Variants in CPQ observed in about 807,000 individuals in gnomAD.
CPQ encodes the protein Ser-Met dipeptidase.
In CPQ, 37 loss-of-function variants were observed where a neutral mutation model predicts 45.7. The ratio of observed to expected loss-of-function variants is 0.81; its 90% CI spans 0.62 to 1.07. The LOEUF is 1.07. Among genes scored for constraint, CPQ ranks in the 50% least tolerant of loss-of-function variants. The pLI is 0.00. For missense variants in CPQ, 537 were observed against 572.9 expected, an observed-to-expected ratio of 0.94 and a Z score of 0.64; for synonymous variants, 186 against 205.8, an observed-to-expected ratio of 0.90 and a Z score of 0.82.
intron 4 of CPQ, among the ~76,000 whole-genome samples, chr8:96,889,462 C>T (rs1469642660): frequency 6.6e-6 from 1 of 152,142 alleles, no homozygotes; most frequent in Non-Finnish European, 1.5e-5. Flanking sequence ...TGAGCTCCTA[C>T]TTTGCTGGGT....
At chr8:96,653,807 C>T (rs1244366615) in intron 1 of CPQ, among the ~76,000 whole-genome samples, 1 of 152,050 alleles carries the variant, frequency 6.6e-6, no homozygotes. Context: ...AGGGATTGGT[C>T]TTGCTGTCTT....
intron 2 of CPQ, among the ~76,000 whole-genome samples, chr8:96,818,801 T>C (rs1811262652): frequency 6.6e-6 from 1 of 152,166 alleles, no homozygotes; most frequent in Non-Finnish European, 1.5e-5. Context: ...GCTCCAAGTT[T>C]TTGGCAGAGA....
At chr8:96,773,827 T>C (rs1810575569) in intron 1 of CPQ, among the ~76,000 whole-genome samples, 1 of 152,158 alleles carries the variant, frequency 6.6e-6, no homozygotes, top group Admixed American at 6.5e-5. Flanking sequence ...TCCTACATCC[T>C]CACACATGGA....
chr8:97,035,405 A>C (rs975911101), intron 6 of CPQ, among the ~76,000 whole-genome samples: 1 of 152,210 alleles, frequency 6.6e-6, no homozygotes, highest in Admixed American at 6.5e-5. Flanking sequence ...TTGCTGGGTC[A>C]TATGATAGGT....
At chr8:96,743,008 T>G (rs530467025) in intron 1 of CPQ, among the ~76,000 whole-genome samples, 1 of 152,302 alleles carries the variant, frequency 6.6e-6, no homozygotes, top group African/African-American at 2.4e-5. Context: ...ATTTCCTGAT[T>G]CTGAATGTTG....
intron 7 of CPQ, among the ~76,000 whole-genome samples, chr8:97,088,415 T>C (rs1000924907): frequency 6.6e-6 from 1 of 152,236 alleles, no homozygotes; most frequent in African/African-American, 2.4e-5. Context: ...TTCTATATAC[T>C]ATATTCAAGT....
At chr8:97,034,628 C>T (rs570447745) in intron 6 of CPQ, among the ~76,000 whole-genome samples, 1 of 152,204 alleles carries the variant, frequency 6.6e-6, no homozygotes, top group South Asian at 2.1e-4. Context: ...AATGTATACC[C>T]CTATGTAATC....
At chr8:96,991,935 A>G (rs528678644) in intron 5 of CPQ, among the ~76,000 whole-genome samples, 202 of 152,214 alleles carry the variant, frequency 1.3e-3, no homozygotes, top group Middle Eastern at 6.8e-3. Context: ...GAGACCAACC[A>G]CTCACCATGG....
rs1810580897 is a variant in CPQ, at chr8:97,063,199, G to C, written c.1054-2810G>C. Among the ~76,000 whole-genome samples the C allele has an allele frequency of 2.6e-5, 4 of 152,146 alleles. No individual in the cohort carries two copies. In the South Asian group the frequency reaches 8.3e-4, roughly 32 times the overall value. On this transcript the variant is annotated intron_variant, in intron 6 of 7. Transcript: ENST00000220763. ...GACTGGTGTGAGATGGTATCTCATT[G>C]TGGTTTTGATTTGCATTTCTCTAAT...
intron 7 of CPQ, among the ~76,000 whole-genome samples, chr8:97,100,478 A>T (rs1811284935): frequency 6.6e-6 from 1 of 152,108 alleles, no homozygotes; most frequent in Non-Finnish European, 1.5e-5. Flanking sequence ...TGGTCAGAGG[A>T]ATCATGCAAT....
chr8:96,925,091 TCTC>T (rs1261629915), intron 4 of CPQ, among the ~76,000 whole-genome samples: 1 of 152,204 alleles, frequency 6.6e-6, no homozygotes, highest in Non-Finnish European at 1.5e-5. Flanking sequence ...AACTGTAAAT[TCTC>T]CTTCTTTTGA....
intron 1 of CPQ, among the ~76,000 whole-genome samples, chr8:96,732,780 G>GCTCA (rs1332393721): frequency 2.0e-5 from 3 of 152,256 alleles, no homozygotes; most frequent in South Asian, 4.1e-4. Context: ...ACATACCTAT[G>GCTCA]CTCACATCCA....
intron 4 of CPQ, among the ~76,000 whole-genome samples, chr8:96,916,709 T>C (rs147566824): frequency 1.3e-4 from 20 of 152,242 alleles, no homozygotes; most frequent in African/African-American, 4.3e-4. Context: ...CAGGATCTTA[T>C]ACAGGGTACC....
chr8:97,135,812 C>T (rs1812047246), intron 7 of CPQ, among the ~76,000 whole-genome samples: 1 of 152,210 alleles, frequency 6.6e-6, no homozygotes, highest in African/African-American at 2.4e-5. Flanking sequence ...AGTATATGCA[C>T]TAAAATAACA....
At chr8:96,847,471 T>C (rs1393763136) in intron 3 of CPQ, among the ~76,000 whole-genome samples, 1 of 152,218 alleles carries the variant, frequency 6.6e-6, no homozygotes, top group African/African-American at 2.4e-5. Context: ...CATCATTCTT[T>C]TTGATAAAGC....
chr8:97,066,388 A>G (rs542765636), intron 7 of CPQ, among the ~76,000 whole-genome samples, 178 bp downstream of exon 7: 13 of 152,268 alleles, frequency 8.5e-5, no homozygotes, highest in Non-Finnish European at 1.6e-4. Flanking sequence ...CTCACCTTGT[A>G]TTTGTTTACC....
At chr8:96,733,424 A>G (rs557346015) in intron 1 of CPQ, among the ~76,000 whole-genome samples, 1 of 152,200 alleles carries the variant, frequency 6.6e-6, no homozygotes, top group Admixed American at 6.5e-5. Context: ...GACTTTATGT[A>G]TTATGGTGCT....
At position 96,703,529 on chromosome 8, in the gene CPQ, G is replaced by A. The variant is rs530044396; in HGVS notation, c.-35+58127G>A. Among the ~76,000 whole-genome samples, 6 of 152,230 alleles carry A rather than the reference G, an allele frequency of 3.9e-5. No individual in the cohort carries two copies. The East Asian group carries it at 5.8e-4, about 15-fold the overall frequency. On this transcript the variant is annotated intron_variant, in intron 1 of 7. Transcript: ENST00000220763. ...ATACATGAATGGACCTGGAACTAAT[G>A]TGTGTGTGTGTTTTTCTTTTTAAGT... is the stretch of plus-strand genomic sequence containing the variant.
intron 2 of CPQ, among the ~76,000 whole-genome samples, chr8:96,823,054 C>T (rs990934515): frequency 6.6e-6 from 1 of 152,040 alleles, no homozygotes; most frequent in African/African-American, 2.4e-5. Context: ...TCCAAGCCTA[C>T]CTCGTCATCC....
Sources: allele counts gnomAD v4.1 joint callset (sites outside exome capture counted in the v4.1 genomes callset), GRCh38; gene constraint gnomAD v4.1.1; transcripts MANE v1.5; gene names NCBI Gene and HGNC (gene_info 2026-07-23, HGNC 2026-07-21).